DMD: variants seen among roughly 807,000 people sequenced by gnomAD.
The protein encoded by DMD is dystrophin.
A neutral mutation model predicts 330.1 loss-of-function variants in DMD; 63 were observed. The observed-to-expected ratio is 0.19, with a 90% CI of 0.16 to 0.24. The LOEUF (loss-of-function observed/expected upper bound fraction) is 0.24. DMD is among the 10% of genes least tolerant of loss of function. DMD has a pLI of 1.00. For missense variants in DMD, 3,344 were observed against 2,684.1 expected, an observed-to-expected ratio of 1.25 and a Z score of -5.43; for synonymous variants, 1,223 against 959.8, an observed-to-expected ratio of 1.27 and a Z score of -5.07.
At chrX:32,183,571 A>AC in intron 44 of DMD, among the ~76,000 whole-genome samples, 1 of 95,128 alleles carries the variant, frequency 1.1e-5, no homozygotes, top group South Asian at 5.0e-4. Context: ...TATATATATA[A>AC]ATATATATAT....
At chrX:32,282,844 T>G (rs57195365) in intron 43 of DMD, among the ~76,000 whole-genome samples, 1,534 of 112,268 alleles carry the variant, frequency 0.014, 25 homozygotes, top group African/African-American at 0.046. Flanking sequence ...GCAAAACCAC[T>G]AAGGCATTTT....
At chrX:32,590,516 TG>T (rs199949102) in intron 13 of DMD, among the ~76,000 whole-genome samples, 1,195 of 111,392 alleles carry the variant, frequency 0.011, 24 homozygotes, top group African/African-American at 0.038. Context: ...TCAATGTGGG[TG>T]GGCACCACCC....
At chrX:31,166,570 A>G (rs2039437586) in intron 74 of DMD, among the ~76,000 whole-genome samples, 1 of 111,981 alleles carries the variant, frequency 8.9e-6, no homozygotes, top group Non-Finnish European at 1.9e-5. Flanking sequence ...CCAGCTAGAC[A>G]TGCACAGAGA....
chrX:31,957,433 G>T (rs1486009923), intron 45 of DMD, among the ~76,000 whole-genome samples: 1 of 111,727 alleles, frequency 9.0e-6, no homozygotes, highest in Non-Finnish European at 1.9e-5. Context: ...CAGAAAAAGG[G>T]TAAAGATATG....
At chrX:31,812,075 T>A (rs1225255615) in intron 50 of DMD, among the ~76,000 whole-genome samples, 1 of 109,128 alleles carries the variant, frequency 9.2e-6, no homozygotes, top group Non-Finnish European at 1.9e-5. Flanking sequence ...CCAACAAAAG[T>A]AGTATGACAA....
At chrX:32,766,799 TGATA>T (rs1395511538) in intron 7 of DMD, among the ~76,000 whole-genome samples, 3 of 111,640 alleles carry the variant, frequency 2.7e-5, no homozygotes, top group African/African-American at 6.5e-5. Flanking sequence ...GTCTTTGAGG[TGATA>T]GATATGTTAA....
intron 60 of DMD, among the ~76,000 whole-genome samples, chrX:31,374,416 C>G (rs750606948): frequency 9.1e-6 from 1 of 109,630 alleles, no homozygotes; most frequent in African/African-American, 3.3e-5. Flanking sequence ...AGACTTGGAA[C>G]CAACCCAAAT....
chrX:33,051,266 C>T (rs2094453020), intron 1 of DMD, among the ~76,000 whole-genome samples: 1 of 101,725 alleles, frequency 9.8e-6, no homozygotes, highest in Non-Finnish European at 2.0e-5. Flanking sequence ...GGCTGGAGTG[C>T]AGTGTTTCAA....
At chrX:31,914,047 C>T (rs1454375982) in intron 47 of DMD, among the ~76,000 whole-genome samples, 1 of 112,354 alleles carries the variant, frequency 8.9e-6, no homozygotes, top group Non-Finnish European at 1.9e-5. Context: ...GGTGGGATTA[C>T]ATAAAAAGCA....
At chrX:31,856,927 A>G (rs2093621487) in intron 48 of DMD, among the ~76,000 whole-genome samples, 1 of 112,476 alleles carries the variant, frequency 8.9e-6, no homozygotes, top group Admixed American at 9.4e-5. Context: ...TGTCATTCAC[A>G]AAAGTTCCTT....
At chrX:32,292,450 G>C (rs2148485105) in intron 42 of DMD, among the ~76,000 whole-genome samples, 1 of 107,653 alleles carries the variant, frequency 9.3e-6, no homozygotes, top group South Asian at 4.3e-4. Flanking sequence ...TGGGACTATA[G>C]GCGCCCACCA....
intron 55 of DMD, among the ~76,000 whole-genome samples, chrX:31,519,657 G>T (rs908463672): frequency 1.8e-5 from 2 of 111,731 alleles, no homozygotes; most frequent in African/African-American, 6.5e-5. Flanking sequence ...TAAATAGCAG[G>T]ACAATTTCCA....
chrX:33,149,138 T>C (rs767812380), intron 1 of DMD, among the ~76,000 whole-genome samples: 4 of 111,034 alleles, frequency 3.6e-5, no homozygotes, highest in Non-Finnish European at 5.7e-5. Flanking sequence ...TTGTATTATA[T>C]AATAAAATAA....
chrX:33,008,848 G>GTATA (rs1569548697), intron 2 of DMD, among the ~76,000 whole-genome samples: 456 of 43,232 alleles, frequency 0.011, 30 homozygotes, highest in African/African-American at 0.027. Context: ...ACACATATAT[G>GTATA]TATACGTGTA....
At chrX:31,147,547 A>G (rs1317091419) in intron 74 of DMD, 29 bp from the exon 75 acceptor site, 10 of 997,934 alleles carry the variant, frequency 1.0e-5, no homozygotes, top group Middle Eastern at 2.6e-4. Context: ...TAAAAAAGAA[A>G]AAAAAAGAAA....
chrX:32,855,606 T>C (rs1038580029), intron 2 of DMD, among the ~76,000 whole-genome samples: 1 of 111,776 alleles, frequency 8.9e-6, no homozygotes, highest in African/African-American at 3.3e-5. Flanking sequence ...AAACTGGATA[T>C]GGATATGCAA....
chrX:32,693,171 G>A (rs2063406000), intron 9 of DMD, among the ~76,000 whole-genome samples: 1 of 111,666 alleles, frequency 9.0e-6, no homozygotes, highest in Non-Finnish European at 1.9e-5. Context: ...AATGTGGTCA[G>A]CCTCTAGAAG....
At chrX:33,086,348 C>T (rs1362127744) in intron 1 of DMD, among the ~76,000 whole-genome samples, 1 of 111,408 alleles carries the variant, frequency 9.0e-6, no homozygotes, top group East Asian at 2.8e-4. Flanking sequence ...TAAAGTTAAC[C>T]TTGAAATGTG....
At chrX:32,946,925 C>T (rs748153770) in intron 2 of DMD, among the ~76,000 whole-genome samples, 5 of 111,958 alleles carry the variant, frequency 4.5e-5, no homozygotes, top group Admixed American at 1.9e-4. Context: ...TAAAGACTCT[C>T]GTGATGTTCT....
Sources: allele counts gnomAD v4.1 joint callset (sites outside exome capture counted in the v4.1 genomes callset), GRCh38; gene constraint gnomAD v4.1.1; transcripts MANE v1.5; gene names NCBI Gene and HGNC (gene_info 2026-07-23, HGNC 2026-07-21).